PNRC2: variants seen among roughly 807,000 people sequenced by gnomAD.
The protein encoded by PNRC2 is proline rich nuclear receptor coactivator 2, also known as proline-rich nuclear receptor coactivator 2.
Under a neutral mutation model 12.2 loss-of-function variants are expected in PNRC2, and 2 were observed. The ratio of observed to expected loss-of-function variants is 0.16; its 90% CI spans 0.07 to 0.52. The LOEUF (loss-of-function observed/expected upper bound fraction) is 0.52. PNRC2 is among the 20% of genes least tolerant of loss of function. PNRC2 has a pLI of 0.95. For synonymous variants in PNRC2, 44 were observed against 53.9 expected (o/e 0.82, Z 0.80); for missense variants, 115 against 158.4 (o/e 0.73, Z 1.47).
At position 23,963,061 on chromosome 1, in the gene PNRC2, C is replaced by T. The variant is rs1241633604; in HGVS notation, c.*1184C>T. 6.0e-6 allele frequency: 1 copy of T among 167,044 alleles called. No individual in the cohort carries two copies. The allele number at this position is 167,044 out of a possible 1,614,324, so 10.3% of individuals were successfully genotyped here. A position where few individuals can be genotyped will look rare whatever the true frequency, so the allele number is the denominator to read the frequency against. ...TTATAACCTAGGATACAGGTAGTTTCGAGTATGGTGCCAGTGATGTTTTGT... is the reference window on the plus strand; with the variant it reads ...TTATAACCTAGGATACAGGTAGTTTTGAGTATGGTGCCAGTGATGTTTTGT... On this transcript the variant is annotated 3_prime_UTR_variant, in exon 3 of 3. Transcript: ENST00000334351.
At chr1:23,960,175 G>C (rs1312750772) in intron 1 of PNRC2, among the ~76,000 whole-genome samples, 177 bp downstream of exon 1, 1 of 152,222 alleles carries the variant, frequency 6.6e-6, no homozygotes, top group Non-Finnish European at 1.5e-5. Context: ...GGGAAGCCAA[G>C]CCCTTGTGGC....
rs1301357119 is a variant in PNRC2 at position 23,960,001 on chromosome 1, A to C, written c.-225+3A>C. The C allele has an allele frequency of 1.3e-5, 2 of 152,186 alleles. No individual in the cohort carries two copies. Among genetic ancestry groups the C allele is most frequent in the African/African-American group, 4.8e-5 (2 of 41,444 alleles). 9.4% of individuals were successfully genotyped at this position (152,186 alleles called of 1,614,324 possible). On this transcript the variant is annotated splice_donor_region_variant and intron_variant, in intron 1 of 2. Coordinates refer to ENST00000334351, the MANE Select transcript of PNRC2 (RefSeq NM_017761.4). ...CGTTAGTTCCGAGCTTGAAGTCAGT[A>C]AGTAGCGGCTGCGCTAAGGGCGCGG... is the stretch of plus-strand genomic sequence containing the variant.
At position 23,961,684 on chromosome 1, in the gene PNRC2, C is replaced by G. The variant is rs1641279089; in HGVS notation, c.227C>G (p.Ser76Cys). The G allele has an allele frequency of 5.0e-6, 8 of 1,613,840 alleles. No homozygotes were observed. Among genetic ancestry groups the G allele is most frequent in the Admixed American group, 1.7e-5 (1 of 59,994 alleles). ...KNFPNNQSWN[S>C]SLSGPRLLFK... ...TTTCCAAATAATCAAAGTTGGAATT[C>G]TAGCTTATCAGGTCCCAGGTTACTT... The change falls in exon 3 of 3, where the codon TCT becomes TGT. Residue 76 changes from serine to cysteine, a missense_variant. This residue lies in a region of PNRC2 where 98 missense variants were observed against 112.4 expected (regional missense o/e 0.87). Transcript: ENST00000334351.
At position 23,962,406 on chromosome 1, in the gene PNRC2, T is replaced by C. The variant is rs1570751916; in HGVS notation, c.*529T>C. On this transcript the variant is annotated 3_prime_UTR_variant, in exon 3 of 3. Coordinates refer to ENST00000334351, the MANE Select transcript of PNRC2 (RefSeq NM_017761.4). ...TGGAGCTCATTAGAATGAGACATAG[T>C]ACACCCCAATGGCCCTGTTTATTAA... 1.2e-5 allele frequency: 2 copies of C among 167,426 alleles called. No individual in the cohort carries two copies. The highest frequency in any genetic ancestry group is 4.8e-5 in the African/African-American group (2 of 41,312). The allele number at this position is 167,426 out of a possible 1,614,324, so 10.4% of individuals were successfully genotyped here.
chr1:23,959,949 T>G lies in PNRC2; in HGVS notation c.-274T>G, dbSNP rs1211059686. 6.6e-6 allele frequency: 1 copy of G among 152,276 alleles called. No homozygotes were observed. The highest frequency in any genetic ancestry group is 2.1e-4 in the South Asian group (1 of 4,828). 9.4% of individuals were successfully genotyped at this position (152,276 alleles called of 1,614,324 possible). A position where few individuals can be genotyped will look rare whatever the true frequency, so the allele number is the denominator to read the frequency against. On this transcript the variant is annotated 5_prime_UTR_variant, in exon 1 of 3. Coordinates refer to ENST00000334351, the MANE Select transcript of PNRC2 (RefSeq NM_017761.4). ...TCTCTCCCTGGAAAGGGAGGGAGGCTTCGACGTCGAGAGGGAGCCGCTGCC... is the reference window on the plus strand; with the variant it reads ...TCTCTCCCTGGAAAGGGAGGGAGGCGTCGACGTCGAGAGGGAGCCGCTGCC...
rs1185082459 is a variant in PNRC2, at chr1:23,962,990, T to C, written c.*1113T>C. The stretch of plus-strand genomic sequence containing the variant: ...TTTTTTCCTCCTCTAAGCCCAAAGA[T>C]TAACTAGAGTCCCTCCAACCTTATA... On this transcript the variant is annotated 3_prime_UTR_variant, in exon 3 of 3. Coordinates refer to ENST00000334351, the MANE Select transcript of PNRC2 (RefSeq NM_017761.4). 1 of 167,016 alleles carries C rather than the reference T, an allele frequency of 6.0e-6. No homozygotes were observed. The highest frequency in any genetic ancestry group is 2.4e-5 in the African/African-American group (1 of 41,432). 10.3% of individuals were successfully genotyped at this position (167,016 alleles called of 1,614,324 possible). A position where few individuals can be genotyped will look rare whatever the true frequency, so the allele number is the denominator to read the frequency against.
In PNRC2 at chr1:23,962,008, ACT is replaced by A. The variant is rs960759334; in HGVS notation, c.*132_*133del. 3.2e-6 allele frequency: 2 copies of A among 617,094 alleles called. No homozygotes were observed. Among genetic ancestry groups the A allele is most frequent in the African/African-American group, 3.8e-5 (2 of 52,836 alleles). The allele number at this position is 617,094 out of a possible 1,614,324, so 38.2% of individuals were successfully genotyped here. A position where few individuals can be genotyped will look rare whatever the true frequency, so the allele number is the denominator to read the frequency against. On this transcript the variant is annotated 3_prime_UTR_variant, in exon 3 of 3. Coordinates refer to ENST00000334351, the MANE Select transcript of PNRC2 (RefSeq NM_017761.4). The stretch of plus-strand genomic sequence containing the variant: ...AAATAGACCATCTCGTGTTGTGTGC[ACT>A]GTGATATAATGGTAGTATCAGTGCA...
intron 1 of PNRC2, 52 bp from the exon 2 acceptor site, chr1:23,960,877 A>T (rs1486945676): frequency 5.0e-6 from 2 of 397,806 alleles, no homozygotes; most frequent in Admixed American, 4.4e-5. Context: ...AATCTAAATG[A>T]TCACTTTCTC....
rs1484717442 is a variant in PNRC2, at chr1:23,961,000, A to C, written c.-153A>C. On this transcript the variant is annotated 5_prime_UTR_variant, in exon 2 of 3. Coordinates refer to ENST00000334351, the MANE Select transcript of PNRC2 (RefSeq NM_017761.4). ...CCTCAGCTCCTAGGCTGAACTCAGC[A>C]GATCGGCCCATGAAAACTTCTGTAT... 5.0e-6 allele frequency: 2 copies of C among 401,696 alleles called. No homozygotes were observed. Among genetic ancestry groups the C allele is most frequent in the Non-Finnish European group, 8.8e-6 (2 of 227,754 alleles). The allele number at this position is 401,696 out of a possible 1,614,324, so 24.9% of individuals were successfully genotyped here.
In PNRC2 at chr1:23,961,018, T is replaced by C. The variant is rs1641267028; in HGVS notation, c.-135T>C. On this transcript the variant is annotated 5_prime_UTR_variant, in exon 2 of 3. Coordinates refer to ENST00000334351, the MANE Select transcript of PNRC2 (RefSeq NM_017761.4). ...ACTCAGCAGATCGGCCCATGAAAACTTCTGTATTGAGACAAAGGAAGGGAT... is the reference window on the plus strand; with the variant it reads ...ACTCAGCAGATCGGCCCATGAAAACCTCTGTATTGAGACAAAGGAAGGGAT... 1 of 403,228 alleles carries C rather than the reference T, an allele frequency of 2.5e-6. No homozygotes were observed. Among genetic ancestry groups the C allele is most frequent in the Non-Finnish European group, 4.4e-6 (1 of 228,568 alleles). 25.0% of individuals were successfully genotyped at this position (403,228 alleles called of 1,614,324 possible). A position where few individuals can be genotyped will look rare whatever the true frequency, so the allele number is the denominator to read the frequency against.
At position 23,963,395 on chromosome 1, in the gene PNRC2, CATG is replaced by C. The variant is rs1217495681; in HGVS notation, c.*1521_*1523del. ...ACAAGTTTATGTAGTACTTAATGTACATGATATGAATGTGAAGCATAAAATTAA... is the reference window on the plus strand; with the variant it reads ...ACAAGTTTATGTAGTACTTAATGTACATATGAATGTGAAGCATAAAATTAA... On this transcript the variant is annotated 3_prime_UTR_variant, in exon 3 of 3. Coordinates refer to ENST00000334351, the MANE Select transcript of PNRC2 (RefSeq NM_017761.4). 15 of 143,500 alleles carry C rather than the reference CATG, an allele frequency of 1.0e-4. No homozygotes were observed. The highest frequency in any genetic ancestry group is 2.7e-4 in the Non-Finnish European group (14 of 52,558). The allele number at this position is 143,500 out of a possible 1,614,324, so 8.9% of individuals were successfully genotyped here. A position where few individuals can be genotyped will look rare whatever the true frequency, so the allele number is the denominator to read the frequency against.
chr1:23,961,003 T>G lies in PNRC2; in HGVS notation c.-150T>G. On this transcript the variant is annotated 5_prime_UTR_variant, in exon 2 of 3. Transcript: ENST00000334351. ...CAGCTCCTAGGCTGAACTCAGCAGATCGGCCCATGAAAACTTCTGTATTGA... is the reference window on the plus strand; with the variant it reads ...CAGCTCCTAGGCTGAACTCAGCAGAGCGGCCCATGAAAACTTCTGTATTGA... 2.5e-6 allele frequency: 1 copy of G among 401,864 alleles called. No individual in the cohort carries two copies. Among genetic ancestry groups the G allele is most frequent in the Admixed American group, 4.3e-5 (1 of 23,252 alleles). The allele number at this position is 401,864 out of a possible 1,614,324, so 24.9% of individuals were successfully genotyped here.
Position 23,961,354 on chromosome 1 carries a change from A to G in PNRC2, c.-18-86A>G, listed in dbSNP as rs1228250446. 28 of 967,018 alleles carry G rather than the reference A, an allele frequency of 2.9e-5. No individual in the cohort carries two copies. In the East Asian group the frequency reaches 3.5e-4, roughly 12 times the overall value. The allele number at this position is 967,018 out of a possible 1,614,324, so 59.9% of individuals were successfully genotyped here. ...AGTCTTGTCCAAAATATCTGGAGTT[A>G]TAAGTTGGAGCCATAGAAGCTTCTT... is the stretch of plus-strand genomic sequence containing the variant. On this transcript the variant is annotated intron_variant, in intron 2 of 2. Coordinates refer to ENST00000334351, the MANE Select transcript of PNRC2 (RefSeq NM_017761.4).
chr1:23,961,378 T>G, intron 2 of PNRC2, 62 bp from the exon 3 acceptor site: 1 of 1,220,538 alleles, frequency 8.2e-7, no homozygotes, highest in Non-Finnish European at 1.2e-6. Flanking sequence ...TAGAAGCTTC[T>G]TAAAGATTTT....
intron 1 of PNRC2, among the ~76,000 whole-genome samples, chr1:23,960,695 T>C (rs943806973): frequency 3.2e-4 from 49 of 152,332 alleles, no homozygotes; most frequent in South Asian, 3.1e-3. Flanking sequence ...ATAAAACTTA[T>C]TGCGGGACTT....
In PNRC2 at chr1:23,961,676, T is replaced by C. The variant is rs2148487846; in HGVS notation, c.219T>C (p.Ser73=). 1.2e-6 allele frequency: 2 copies of C among 1,613,942 alleles called. No homozygotes were observed. The highest frequency in any genetic ancestry group is 2.2e-5 in the East Asian group (1 of 44,886). The change falls in exon 3 of 3, where the codon AGT becomes AGC. Residue 73 remains serine, a synonymous_variant. Transcript: ENST00000334351. ...ACAAAAATTTTCCAAATAATCAAAG[T>C]TGGAATTCTAGCTTATCAGGTCCCA... ...GKNKNFPNNQ[S]WNSSLSGPRL...
Position 23,961,456 on chromosome 1 carries a change from A to C in PNRC2, c.-2A>C. The C allele has an allele frequency of 6.3e-7, 1 of 1,586,946 alleles. No individual in the cohort carries two copies. The highest frequency in any genetic ancestry group is 1.1e-5 in the South Asian group (1 of 87,024). On this transcript the variant is annotated 5_prime_UTR_variant, in exon 3 of 3. Transcript: ENST00000334351. ...CACTTGTAGGTGACAAAGAAGCTGA[A>C]GATGGGTGGTGGAGAGAGGTATAAC...
At chr1:23,960,703 CT>C (rs112398042) in intron 1 of PNRC2, among the ~76,000 whole-genome samples, 7 of 152,284 alleles carry the variant, frequency 4.6e-5, no homozygotes, top group African/African-American at 1.7e-4. Flanking sequence ...TATTGCGGGA[CT>C]TGGAGACACT....
In PNRC2 at chr1:23,962,151, G is replaced by A. The variant is rs1641292851; in HGVS notation, c.*274G>A. The stretch of plus-strand genomic sequence containing the variant: ...GAATCAGCTTTTTCTATTGTTAGGG[G>A]AAGACAGTAATTTATCATTCATGGA... On this transcript the variant is annotated 3_prime_UTR_variant, in exon 3 of 3. Coordinates refer to ENST00000334351, the MANE Select transcript of PNRC2 (RefSeq NM_017761.4). The A allele has an allele frequency of 3.4e-6, 1 of 293,128 alleles. No homozygotes were observed. The highest frequency in any genetic ancestry group is 2.2e-5 in the African/African-American group (1 of 45,424). 18.2% of individuals were successfully genotyped at this position (293,128 alleles called of 1,614,324 possible).
Sources: allele counts gnomAD v4.1 joint callset (sites outside exome capture counted in the v4.1 genomes callset), GRCh38; gene constraint gnomAD v4.1.1; regional missense constraint gnomAD v4.1.1; transcripts MANE v1.5; gene names NCBI Gene and HGNC (gene_info 2026-07-23, HGNC 2026-07-21).